Variants in ATXN3 observed in about 807,000 individuals in gnomAD.
ATXN3 encodes ataxin 3.
Under a neutral mutation model 58.2 loss-of-function variants are expected in ATXN3, and 28 were observed. That is an observed-to-expected ratio of 0.48 (90% CI 0.36 to 0.66). The LOEUF (loss-of-function observed/expected upper bound fraction) is 0.66, where lower values mean the gene tolerates loss of function less well. Ranked by LOEUF, ATXN3 falls within the 30% of genes least tolerant of loss-of-function variation. The pLI, the probability that ATXN3 is intolerant of heterozygous loss-of-function variation, is 0.00. For synonymous variants in ATXN3, 113 were observed against 138.5 expected (o/e 0.82, Z 1.29); for missense variants, 321 against 422.1 (o/e 0.76, Z 2.10).
At chr14:92,093,706 T>C (rs2064438981) in intron 4 of ATXN3, 40 bp downstream of exon 4, 2 of 1,413,232 alleles carry the variant, frequency 1.4e-6, no homozygotes, top group Non-Finnish European at 2.0e-6. Context: ...AAAATCAAAT[T>C]TGGGAAAAGA....
At chr14:92,064,478 C>T (rs2140222698) in intron 10 of ATXN3, 64 bp from the exon 11 acceptor site, 1 of 1,203,050 alleles carries the variant, frequency 8.3e-7, no homozygotes. Flanking sequence ...CATCAAAAGG[C>T]AAGTTCTCAG....
rs2057579311 is a variant in ATXN3, at chr14:92,059,249, A to T, written c.*5071T>A. ...CAAAATCAAAATTCTAGAATTTACC[A>T]ACGATGTCAATAATCTTCACTCATG... is the stretch of plus-strand genomic sequence containing the variant. On this transcript the variant is annotated 3_prime_UTR_variant, in exon 11 of 11. Transcript: ENST00000644486. 1 of 152,222 alleles carries T rather than the reference A, an allele frequency of 6.6e-6. No individual in the cohort carries two copies. Among genetic ancestry groups the T allele is most frequent in the Non-Finnish European group, 1.5e-5 (1 of 68,036 alleles). The allele number at this position is 152,222 out of a possible 1,614,324, so 9.4% of individuals were successfully genotyped here. A position where few individuals can be genotyped will look rare whatever the true frequency, so the allele number is the denominator to read the frequency against.
intron 9 of ATXN3, among the ~76,000 whole-genome samples, chr14:92,078,909 G>A (rs2060918938): frequency 6.6e-6 from 1 of 152,162 alleles, no homozygotes; most frequent in Non-Finnish European, 1.5e-5. Flanking sequence ...GATTGGGCCG[G>A]GCTCAGTGGC....
intron 9 of ATXN3, among the ~76,000 whole-genome samples, chr14:92,080,142 T>A (rs565584720): frequency 1.3e-5 from 2 of 152,284 alleles, no homozygotes; most frequent in South Asian, 4.1e-4. Flanking sequence ...AGCAAGCACT[T>A]ACAAGGCTGG....
At chr14:92,054,076 A>G (rs1201603548), downstream of ATXN3, among the ~76,000 whole-genome samples, 1 of 152,062 alleles carries the variant, frequency 6.6e-6, no homozygotes, top group Non-Finnish European at 1.5e-5. Flanking sequence ...CTGGCATAAT[A>G]GGCGCACACC....
Position 92,060,998 on chromosome 14 carries a change from C to T in ATXN3, c.*3322G>A, listed in dbSNP as rs920501695. ...CCACCCACTTCGGCCTCCCAAAATG[C>T]TGGGATTACAGGCGTGAGCTACCAC... On this transcript the variant is annotated 3_prime_UTR_variant, in exon 11 of 11. Transcript: ENST00000644486. 1 of 152,088 alleles carries T rather than the reference C, an allele frequency of 6.6e-6. No homozygotes were observed. Among genetic ancestry groups the T allele is most frequent in the Non-Finnish European group, 1.5e-5 (1 of 68,024 alleles). 9.4% of individuals were successfully genotyped at this position (152,088 alleles called of 1,614,324 possible).
At position 92,088,722 on chromosome 14, in the gene ATXN3, T is replaced by C. The variant is rs1195187350; in HGVS notation, c.475+8A>G. The C allele has an allele frequency of 1.9e-6, 3 of 1,566,484 alleles. No homozygotes were observed. The South Asian group carries it at 3.4e-5, about 18-fold the overall frequency. On this transcript the variant is annotated splice_region_variant and intron_variant, in intron 6 of 10. Transcript: ENST00000644486. ...GGTAACATTACAAAATGTTCAGCCG[T>C]TACTTACCTTCCTGTTGTAATTGAG...
chr14:92,070,882 T>C lies in ATXN3; in HGVS notation c.991+53A>G, dbSNP rs778112508. The C allele has an allele frequency of 1.3e-5, 21 of 1,613,900 alleles. No individual in the cohort carries two copies. The South Asian group carries it at 1.3e-4, about 10-fold the overall frequency. ...AAGCAAAAATCACATGGAGCTCGTATGTCAGATAAAGTGTGAAGGTAGCGA... is the reference window on the plus strand; with the variant it reads ...AAGCAAAAATCACATGGAGCTCGTACGTCAGATAAAGTGTGAAGGTAGCGA... On this transcript the variant is annotated intron_variant, in intron 10 of 10. Coordinates refer to ENST00000644486, the MANE Select transcript of ATXN3 (RefSeq NM_004993.6).
At chr14:92,104,995 T>C (rs1333254701) in intron 1 of ATXN3, among the ~76,000 whole-genome samples, 3 of 151,972 alleles carry the variant, frequency 2.0e-5, no homozygotes, top group African/African-American at 7.3e-5. Context: ...ATCTCTATTG[T>C]CTATGATTTA....
chr14:92,103,136 G>A (rs977574500), intron 1 of ATXN3, among the ~76,000 whole-genome samples: 18 of 145,348 alleles, frequency 1.2e-4, no homozygotes, highest in Non-Finnish European at 2.6e-4. Flanking sequence ...AACAAAGCAG[G>A]CACCAGAACT....
At chr14:92,095,112 T>C (rs74071878) in intron 3 of ATXN3, among the ~76,000 whole-genome samples, 9 of 132,112 alleles carry the variant, frequency 6.8e-5, no homozygotes, top group Admixed American at 5.7e-4. Flanking sequence ...AAAAAAAAAA[T>C]CAAAAGCCAC....
At position 92,061,367 on chromosome 14, in the gene ATXN3, T is replaced by G. The variant is rs2057767482; in HGVS notation, c.*2953A>C. ...CAAACAGTTTATATTACTGAAATAT[T>G]TACATGATTACCGTAAAAAACATAG... On this transcript the variant is annotated 3_prime_UTR_variant, in exon 11 of 11. Coordinates refer to ENST00000644486, the MANE Select transcript of ATXN3 (RefSeq NM_004993.6). 6.6e-6 allele frequency: 1 copy of G among 152,186 alleles called. No individual in the cohort carries two copies. Among genetic ancestry groups the G allele is most frequent in the African/African-American group, 2.4e-5 (1 of 41,450 alleles). The allele number at this position is 152,186 out of a possible 1,614,324, so 9.4% of individuals were successfully genotyped here. A position where few individuals can be genotyped will look rare whatever the true frequency, so the allele number is the denominator to read the frequency against.
downstream of ATXN3, among the ~76,000 whole-genome samples, chr14:92,058,039 T>C (rs756459069): frequency 3.7e-4 from 57 of 152,282 alleles, no homozygotes; most frequent in Non-Finnish European, 6.9e-4. Flanking sequence ...AAAATATATT[T>C]CAAATAAAAA....
chr14:92,068,158 C>T (rs1405127214), intron 10 of ATXN3, among the ~76,000 whole-genome samples: 1 of 152,124 alleles, frequency 6.6e-6, no homozygotes, highest in Non-Finnish European at 1.5e-5. Flanking sequence ...ACCACTGACA[C>T]CATGTGAAAG....
chr14:92,097,003 G>T, intron 1 of ATXN3, 165 bp from the exon 2 acceptor site: 4 of 578,408 alleles, frequency 6.9e-6, no homozygotes, highest in South Asian at 6.9e-5. Context: ...CGCCACCCGG[G>T]TTCATGCCAT....
In ATXN3 at chr14:92,064,434, C is replaced by T. The variant is rs1323430146; in HGVS notation, c.992-20G>A. 3 of 1,553,840 alleles carry T rather than the reference C, an allele frequency of 1.9e-6. No individual in the cohort carries two copies. The highest frequency in any genetic ancestry group is 4.5e-5 in the East Asian group (2 of 44,226). ...CATCACCTGTTGGGAAACAAAACCA[C>T]ATTTCTTTAAAATTTCCAGAAAATT... On this transcript the variant is annotated intron_variant, in intron 10 of 10. Transcript: ENST00000644486.
At chr14:92,091,435 A>T in intron 5 of ATXN3, among the ~76,000 whole-genome samples, 1 of 149,392 alleles carries the variant, frequency 6.7e-6, no homozygotes, top group Admixed American at 6.6e-5. Context: ...TGGGCGATAG[A>T]GCAAGAATCC....
upstream of ATXN3, among the ~76,000 whole-genome samples, chr14:92,051,495 A>C (rs769911159): frequency 5.9e-5 from 9 of 152,004 alleles, no homozygotes; most frequent in Non-Finnish European, 1.0e-4. Flanking sequence ...TTCTTCCAAG[A>C]AGCTTGTCAG....
intron 9 of ATXN3, among the ~76,000 whole-genome samples, chr14:92,074,434 G>A (rs976415548): frequency 5.9e-5 from 9 of 152,212 alleles, no homozygotes; most frequent in Admixed American, 1.3e-4. Flanking sequence ...CCAAAATTCT[G>A]CTTCACTGCT....
Sources: allele counts gnomAD v4.1 joint callset (sites outside exome capture counted in the v4.1 genomes callset), GRCh38; gene constraint gnomAD v4.1.1; transcripts MANE v1.5; gene names NCBI Gene and HGNC (gene_info 2026-07-23, HGNC 2026-07-21).